Variants in HCN1 observed in about 807,000 individuals in gnomAD.
The protein encoded by HCN1 is hyperpolarization activated cyclic nucleotide gated potassium channel 1.
In HCN1, 13 loss-of-function variants were observed where a neutral mutation model predicts 78.9. The ratio of observed to expected loss-of-function variants is 0.16; its 90% CI spans 0.11 to 0.26. The LOEUF is 0.26. HCN1 is among the 10% of genes least tolerant of loss of function. The pLI is 1.00. For synonymous variants in HCN1, 552 were observed against 455.5 expected (o/e 1.21, Z -2.70); for missense variants, 810 against 1,154.3 (o/e 0.70, Z 4.32).
chr5:45,659,184 G>A (rs1745862017), intron 1 of HCN1, among the ~76,000 whole-genome samples: 2 of 149,300 alleles, frequency 1.3e-5, no homozygotes, highest in African/African-American at 4.9e-5. Context: ...GCACCCCCCA[G>A]CAGGGGCACA....
In HCN1 at chr5:45,396,675, G is replaced by A. The variant is rs780735935; in HGVS notation, c.1047C>T (p.Leu349=). The part of the protein sequence containing the change: ...DSWGKQYSYA[L]FKAMSHMLCI... ...ACAGCATGTGACTCATAGCTTTGAA[G>A]AGTGCGTATGAATACTGCTTTCCCC... The change falls in exon 4 of 8, where the codon CTC becomes CTT. Residue 349 remains leucine (L), a synonymous_variant. Coordinates refer to ENST00000303230, the MANE Select transcript of HCN1 (RefSeq NM_021072.4). The A allele has an allele frequency of 6.2e-7, 1 of 1,613,832 alleles. No homozygotes were observed.
rs534158505 is a variant in HCN1 at position 45,276,433 on chromosome 5, G to C, written c.1619-9180C>G. Among the ~76,000 whole-genome samples, 3 of 152,224 alleles carry C rather than the reference G, an allele frequency of 2.0e-5. No individual in the cohort carries two copies. In the South Asian group the frequency reaches 6.2e-4, roughly 32 times the overall value. ...ATGAAAGAATCTGCAATTCTAGCAA[G>C]GGATAAGTATTACCACTGATAAGCT... On this transcript the variant is annotated intron_variant, in intron 6 of 7. Coordinates refer to ENST00000303230, the MANE Select transcript of HCN1 (RefSeq NM_021072.4).
At chr5:45,311,707 A>G (rs1180077782) in intron 5 of HCN1, among the ~76,000 whole-genome samples, 1 of 152,236 alleles carries the variant, frequency 6.6e-6, no homozygotes, top group Admixed American at 6.5e-5. Context: ...ATGTGATTTC[A>G]GTAATATTCT....
At chr5:45,310,805 A>G (rs1314061850) in intron 5 of HCN1, among the ~76,000 whole-genome samples, 1 of 152,128 alleles carries the variant, frequency 6.6e-6, no homozygotes, top group African/African-American at 2.4e-5. Context: ...ACATGTGGTA[A>G]ATATATAGCA....
chr5:45,595,568 G>A (rs1341736002), intron 2 of HCN1, among the ~76,000 whole-genome samples: 1 of 152,038 alleles, frequency 6.6e-6, no homozygotes. Flanking sequence ...ATTTCTTGGT[G>A]ATTCCATATT....
At chr5:45,693,627 A>G (rs1449988372) in intron 1 of HCN1, among the ~76,000 whole-genome samples, 1 of 152,170 alleles carries the variant, frequency 6.6e-6, no homozygotes, top group Non-Finnish European at 1.5e-5. Context: ...ATTTTGTCTC[A>G]GAAGATTTCC....
intron 6 of HCN1, among the ~76,000 whole-genome samples, chr5:45,288,045 G>A (rs1157635770): frequency 6.6e-6 from 1 of 151,896 alleles, no homozygotes; most frequent in Non-Finnish European, 1.5e-5. Flanking sequence ...GATATTCTTG[G>A]GGAAGATCTG....
At chr5:45,689,989 A>G (rs1259605261) in intron 1 of HCN1, among the ~76,000 whole-genome samples, 1 of 152,088 alleles carries the variant, frequency 6.6e-6, no homozygotes, top group African/African-American at 2.4e-5. Context: ...GGTCAAATCA[A>G]TATGTATAGA....
At chr5:45,551,632 C>A (rs149850781) in intron 2 of HCN1, among the ~76,000 whole-genome samples, 2 of 151,812 alleles carry the variant, frequency 1.3e-5, no homozygotes, top group Admixed American at 1.3e-4. Context: ...TATCATAATA[C>A]GAAATTTCAT....
At chr5:45,508,035 G>T (rs1742342909) in intron 2 of HCN1, among the ~76,000 whole-genome samples, 1 of 151,796 alleles carries the variant, frequency 6.6e-6, no homozygotes. Context: ...CACAAATATT[G>T]TCTACAAAAA....
Position 45,353,083 on chromosome 5 carries a change from A to T in HCN1, c.1377+17T>A, listed in dbSNP as rs1458195028. The T allele has an allele frequency of 1.3e-6, 2 of 1,593,542 alleles. No individual in the cohort carries two copies. Among genetic ancestry groups the T allele is most frequent in the East Asian group, 2.2e-5 (1 of 44,604 alleles). On this transcript the variant is annotated intron_variant, in intron 5 of 7. Transcript: ENST00000303230. ...CAATGATTATGTATTATGCATACTG[A>T]GGACAATAAATCTTACCTCTCTCAG...
intron 6 of HCN1, among the ~76,000 whole-genome samples, chr5:45,287,371 T>C (rs1188538229): frequency 6.6e-6 from 1 of 152,014 alleles, no homozygotes; most frequent in African/African-American, 2.4e-5. Flanking sequence ...TGTTTATGAA[T>C]AATTTAGTGT....
At chr5:45,298,521 G>T (rs1469063867) in intron 6 of HCN1, among the ~76,000 whole-genome samples, 1 of 151,884 alleles carries the variant, frequency 6.6e-6, no homozygotes, top group East Asian at 1.9e-4. Flanking sequence ...GGGGCTAATT[G>T]GAAGAGATCC....
intron 2 of HCN1, among the ~76,000 whole-genome samples, chr5:45,593,502 C>A (rs959478813): frequency 2.0e-5 from 3 of 151,994 alleles, no homozygotes; most frequent in Non-Finnish European, 2.9e-5. Flanking sequence ...AACACCTGGG[C>A]AGAGTTCCAA....
intron 4 of HCN1, among the ~76,000 whole-genome samples, chr5:45,375,104 T>C (rs1238034261): frequency 8.0e-6 from 1 of 124,612 alleles, no homozygotes; most frequent in Non-Finnish European, 1.6e-5. Context: ...TATAATATTT[T>C]ATAATATATA....
intron 3 of HCN1, among the ~76,000 whole-genome samples, chr5:45,432,546 C>T (rs1740484162): frequency 6.6e-6 from 1 of 151,874 alleles, no homozygotes; most frequent in Non-Finnish European, 1.5e-5. Flanking sequence ...TGAGAGAGGG[C>T]ATCCTTGTTT....
intron 6 of HCN1, among the ~76,000 whole-genome samples, chr5:45,274,836 T>C (rs987720086): frequency 9.9e-5 from 15 of 152,238 alleles, no homozygotes; most frequent in Non-Finnish European, 2.2e-4. Context: ...GTGCTTCCTC[T>C]GTATCTTGAT....
At position 45,261,986 on chromosome 5, in the gene HCN1, C is replaced by A; in HGVS notation, c.2608G>T (p.Glu870Ter). 1 of 1,614,086 alleles carries A rather than the reference C, an allele frequency of 6.2e-7. No homozygotes were observed. The highest frequency in any genetic ancestry group is 8.5e-7 in the Non-Finnish European group (1 of 1,180,024). ...TCTGTGTTTAAGACTGAGGAAGATT[C>A]TCTTGGAAGAGCAGCTGCTGGTGGA... ...PPPPAAALPR[E>*]SSSVLNTDPD... is the part of the protein sequence containing the mutation. Residue 870 changes from glutamate (E) to a stop codon, truncating the protein, a stop_gained, in exon 8 of 8, where the codon GAA becomes TAA. Transcript: ENST00000303230. LOFTEE classifies it high-confidence loss of function.
At chr5:45,459,894 T>C (rs1259289011) in intron 3 of HCN1, among the ~76,000 whole-genome samples, 1 of 152,084 alleles carries the variant, frequency 6.6e-6, no homozygotes, top group Non-Finnish European at 1.5e-5. Flanking sequence ...ATACAATTAT[T>C]ACTATTTTTA....
Sources: gnomAD v4.1 joint callset for allele counts (sites outside exome capture counted in the v4.1 genomes callset) on GRCh38, gnomAD v4.1.1 for gene constraint, MANE v1.5 for transcripts, NCBI Gene and HGNC (gene_info 2026-07-23, HGNC 2026-07-21) for gene names.